FSTL5: variants seen among roughly 807,000 people sequenced by gnomAD.
FSTL5 encodes the protein follistatin-related protein 5.
Under a neutral mutation model 89.1 loss-of-function variants are expected in FSTL5, and 62 were observed. The ratio of observed to expected loss-of-function variants is 0.70; its 90% CI spans 0.57 to 0.86. The LOEUF is 0.86. FSTL5 is among the 40% of genes least tolerant of loss of function. FSTL5 has a pLI of 0.00. For synonymous variants in FSTL5, 383 were observed against 346.2 expected (o/e 1.11, Z -1.18); for missense variants, 1,057 against 1,001.6 (o/e 1.06, Z -0.75).
chr4:161,522,586 C>T (rs1258299751), intron 10 of FSTL5, among the ~76,000 whole-genome samples: 2 of 151,032 alleles, frequency 1.3e-5, no homozygotes, highest in African/African-American at 2.4e-5. Flanking sequence ...TTTTTTCTAA[C>T]ATTTCCTGAA....
At chr4:161,469,154 T>C (rs950497020) in intron 13 of FSTL5, among the ~76,000 whole-genome samples, 1 of 152,178 alleles carries the variant, frequency 6.6e-6, no homozygotes, top group Non-Finnish European at 1.5e-5. Flanking sequence ...AATTACCTCA[T>C]ATAAATGGAA....
At chr4:161,749,134 A>C (rs2126779858) in intron 6 of FSTL5, among the ~76,000 whole-genome samples, 1 of 152,236 alleles carries the variant, frequency 6.6e-6, no homozygotes, top group East Asian at 1.9e-4. Context: ...CAAAGAACTA[A>C]AAGTAGAACT....
intron 2 of FSTL5, among the ~76,000 whole-genome samples, chr4:162,099,290 T>C (rs1730891035): frequency 6.6e-6 from 1 of 152,140 alleles, no homozygotes; most frequent in African/African-American, 2.4e-5. Flanking sequence ...GTGTATAAAA[T>C]GTCCAATTAT....
chr4:161,459,132 T>C, intron 14 of FSTL5, 80 bp downstream of exon 14: 1 of 961,176 alleles, frequency 1.0e-6, no homozygotes, highest in East Asian at 2.5e-5. Context: ...AATATCATGG[T>C]TAAATGATCA....
chr4:161,699,606 T>C (rs2126728464), intron 6 of FSTL5, among the ~76,000 whole-genome samples: 1 of 152,362 alleles, frequency 6.6e-6, no homozygotes, highest in Non-Finnish European at 1.5e-5. Context: ...ACACATTAAT[T>C]AACTTTCATT....
At chr4:161,985,085 T>C (rs1735926635) in intron 3 of FSTL5, among the ~76,000 whole-genome samples, 1 of 151,568 alleles carries the variant, frequency 6.6e-6, no homozygotes. Flanking sequence ...GCCTCCGGAG[T>C]AGTTGAGATT....
intron 4 of FSTL5, among the ~76,000 whole-genome samples, chr4:161,828,169 C>T (rs974678920): frequency 6.6e-6 from 1 of 152,206 alleles, no homozygotes; most frequent in African/African-American, 2.4e-5. Context: ...TTGCTTGGCT[C>T]TCTAAAATTG....
rs140054260 is a variant in FSTL5, at chr4:161,592,064, G to A, written c.895-4489C>T. Among the ~76,000 whole-genome samples, 901 of 152,230 alleles carry A rather than the reference G, an allele frequency of 5.9e-3. 6 individuals carry two copies. Among genetic ancestry groups the A allele is most frequent in the African/African-American group, 0.02 (843 of 41,524 alleles). ...TTGAGACAAAACGCTCAAAACAAAA[G>A]AGGTCAAATACACTACCAGGTTTGA... On this transcript the variant is annotated intron_variant, in intron 7 of 15. Coordinates refer to ENST00000306100, the MANE Select transcript of FSTL5 (RefSeq NM_020116.5).
chr4:161,963,540 C>T (rs1258026816), intron 3 of FSTL5, among the ~76,000 whole-genome samples: 1 of 151,846 alleles, frequency 6.6e-6, no homozygotes, highest in Non-Finnish European at 1.5e-5. Flanking sequence ...ACCGAACACT[C>T]ATATAAACAA....
intron 4 of FSTL5, among the ~76,000 whole-genome samples, chr4:161,891,037 C>G (rs546037563): frequency 6.6e-6 from 1 of 151,336 alleles, no homozygotes; most frequent in Non-Finnish European, 1.5e-5. Flanking sequence ...TCTTGTCAGT[C>G]AAAAATTCTA....
chr4:161,924,666 A>T (rs1465591550), intron 3 of FSTL5, among the ~76,000 whole-genome samples: 4 of 151,878 alleles, frequency 2.6e-5, no homozygotes, highest in African/African-American at 7.2e-5. Flanking sequence ...ACAATGTACC[A>T]TGTAATACAA....
At chr4:161,620,690 C>T (rs1381684070) in intron 7 of FSTL5, among the ~76,000 whole-genome samples, 8 of 151,896 alleles carry the variant, frequency 5.3e-5, no homozygotes, top group African/African-American at 1.9e-4. Context: ...CAAAAAAGTG[C>T]TAACAGAGTT....
intron 2 of FSTL5, among the ~76,000 whole-genome samples, chr4:162,045,743 G>A (rs1384384988): frequency 6.6e-6 from 1 of 152,086 alleles, no homozygotes; most frequent in Non-Finnish European, 1.5e-5. Context: ...ATAAGGTACA[G>A]TATAAAGAGG....
At chr4:161,536,910 C>A (rs959951545) in intron 10 of FSTL5, among the ~76,000 whole-genome samples, 2 of 152,076 alleles carry the variant, frequency 1.3e-5, no homozygotes, top group African/African-American at 4.8e-5. Context: ...TAATTTTTAA[C>A]AGAAAGTGAA....
At chr4:161,705,995 T>TACAC (rs771833603) in intron 6 of FSTL5, among the ~76,000 whole-genome samples, 1 of 37,514 alleles carries the variant, frequency 2.7e-5, no homozygotes, top group African/African-American at 8.0e-5. Context: ...TATATATATA[T>TACAC]ACACACATCT....
chr4:161,443,514 T>C (rs529631729), intron 15 of FSTL5, among the ~76,000 whole-genome samples: 26 of 152,118 alleles, frequency 1.7e-4, no homozygotes, highest in African/African-American at 5.8e-4. Context: ...TATATAGCAC[T>C]GTAGCAAAAT....
At chr4:161,812,002 T>G (rs2126840160) in intron 4 of FSTL5, among the ~76,000 whole-genome samples, 1 of 152,202 alleles carries the variant, frequency 6.6e-6, no homozygotes, top group South Asian at 2.1e-4. Context: ...TTGACAATAA[T>G]GGCTGGGAAA....
At chr4:161,676,454 G>A (rs1274390630) in intron 6 of FSTL5, among the ~76,000 whole-genome samples, 2 of 152,008 alleles carry the variant, frequency 1.3e-5, no homozygotes, top group African/African-American at 2.4e-5. Flanking sequence ...GTTGAACAAT[G>A]AGAACACATG....
chr4:161,641,765 C>G (rs547756060), intron 7 of FSTL5, among the ~76,000 whole-genome samples: 1 of 152,124 alleles, frequency 6.6e-6, no homozygotes, highest in Non-Finnish European at 1.5e-5. Context: ...GCTGGGATTA[C>G]AGGCATGAGC....
Sources: gnomAD v4.1 joint callset for allele counts (sites outside exome capture counted in the v4.1 genomes callset) on GRCh38, gnomAD v4.1.1 for gene constraint, MANE v1.5 for transcripts, NCBI Gene and HGNC (gene_info 2026-07-23, HGNC 2026-07-21) for gene names.